SMOC1: variants seen among roughly 807,000 people sequenced by gnomAD.
SMOC1 encodes the protein SPARC-related modular calcium-binding protein 1.
SMOC1 carries 22 observed loss-of-function variants against 56.3 expected under a neutral mutation model. That is an observed-to-expected ratio of 0.39 (90% confidence interval 0.28 to 0.56). The LOEUF is 0.56. SMOC1 is among the 20% of genes least tolerant of loss of function. The pLI is 0.61. For missense variants in SMOC1, 509 were observed against 565.4 expected, an observed-to-expected ratio of 0.90 and a Z score of 1.01; for synonymous variants, 193 against 215.0, an observed-to-expected ratio of 0.90 and a Z score of 0.89.
At chr14:69,879,893 T>C (rs1883587896) in intron 1 of SMOC1, 116 bp downstream of exon 1, 18 of 919,484 alleles carry the variant, frequency 2.0e-5, no homozygotes, top group Non-Finnish European at 2.8e-5. Context: ...TTGTCCTCTG[T>C]CTACTACCAG....
intron 1 of SMOC1, among the ~76,000 whole-genome samples, chr14:69,943,924 T>A (rs1887463888): frequency 6.6e-6 from 1 of 152,232 alleles, no homozygotes; most frequent in South Asian, 2.1e-4. Context: ...TGGGGCATAG[T>A]GTCTGATATC....
At position 70,026,875 on chromosome 14, in the gene SMOC1, CAT is replaced by C. The variant is rs1252029753; in HGVS notation, c.1292-3366_1292-3365del. On this transcript the variant is annotated intron_variant, in intron 11 of 11. Coordinates refer to ENST00000361956, the MANE Select transcript of SMOC1 (RefSeq NM_001034852.3). ...ATGGCTATGTGTGCATGTCTATACA[CAT>C]GTGTGCATGCATTGTGCATATGTCT... 8.5e-5 allele frequency among the ~76,000 whole-genome samples: 13 copies of C among 152,252 alleles called. No homozygotes were observed. The South Asian group carries it at 1.0e-3, about 12-fold the overall frequency.
intron 11 of SMOC1, among the ~76,000 whole-genome samples, chr14:70,025,871 G>A (rs1885906864): frequency 3.9e-5 from 6 of 152,200 alleles, no homozygotes; most frequent in Admixed American, 3.9e-4. Flanking sequence ...TCATAGGACT[G>A]TTGTGCTGAT....
At chr14:69,895,790 G>C (rs1049831060) in intron 1 of SMOC1, among the ~76,000 whole-genome samples, 1 of 151,260 alleles carries the variant, frequency 6.6e-6, no homozygotes, top group Non-Finnish European at 1.5e-5. Context: ...CTTAGGAAAA[G>C]ACTGGGCTCA....
intron 1 of SMOC1, among the ~76,000 whole-genome samples, chr14:69,933,432 A>G (rs1267167000): frequency 6.6e-6 from 1 of 152,080 alleles, no homozygotes; most frequent in Admixed American, 6.5e-5. Flanking sequence ...AATATCTTCC[A>G]CCTCTTTTTG....
At chr14:69,955,259 T>TG (rs1883142983) in intron 3 of SMOC1, among the ~76,000 whole-genome samples, 1 of 152,128 alleles carries the variant, frequency 6.6e-6, no homozygotes, top group Non-Finnish European at 1.5e-5. Context: ...AAGGAGGCTC[T>TG]GAGGTGTGTT....
At chr14:69,886,135 C>T (rs61980566) in intron 1 of SMOC1, 60,997 of 1,493,794 alleles carry the variant, frequency 0.041, 1,387 homozygotes, top group South Asian at 0.045. Context: ...TCTTTCCTTT[C>T]GGCATCTTGG....
chr14:69,997,399 AC>A (rs1336210796), intron 7 of SMOC1, among the ~76,000 whole-genome samples: 1 of 152,230 alleles, frequency 6.6e-6, no homozygotes, highest in African/African-American at 2.4e-5. Context: ...GCGGAGATAA[AC>A]CATGTAATGG....
At chr14:69,914,365 T>TAAAGTA (rs1326458612) in intron 1 of SMOC1, among the ~76,000 whole-genome samples, 1 of 152,192 alleles carries the variant, frequency 6.6e-6, no homozygotes, top group East Asian at 1.9e-4. Context: ...AGCTAAGTTA[T>TAAAGTA]AAAGTAAATA....
Position 69,953,489 on chromosome 14 carries a change from CTG to C in SMOC1, c.339_340del (p.Phe114CysfsTer40). 1 of 1,614,268 alleles carries C rather than the reference CTG, an allele frequency of 6.2e-7. No homozygotes were observed. On this transcript the variant is annotated frameshift_variant, in exon 3 of 12. Coordinates refer to ENST00000361956, the MANE Select transcript of SMOC1 (RefSeq NM_001034852.3). LOFTEE classifies it high-confidence loss of function. ...GAGCAAGCCAAGAAGCCTCAGGAAGCTGTGTTTGTCCCAGAGTGTGGCGAGGA... is the reference window on the plus strand; with the variant it reads ...GAGCAAGCCAAGAAGCCTCAGGAAGCTGTTTGTCCCAGAGTGTGGCGAGGA...
Position 69,879,634 on chromosome 14 carries a change from C to A in SMOC1, c.-45C>A, listed in dbSNP as rs1158553250. On this transcript the variant is annotated 5_prime_UTR_variant, in exon 1 of 12. Coordinates refer to ENST00000361956, the MANE Select transcript of SMOC1 (RefSeq NM_001034852.3). ...GAGGCGCGCTGTGCGCCCCGCGGAG[C>A]CCGCGAACCCCGCTCGCTGCCGGCT... 7.2e-7 allele frequency: 1 copy of A among 1,392,648 alleles called. No homozygotes were observed. Among genetic ancestry groups the A allele is most frequent in the Non-Finnish European group, 9.3e-7 (1 of 1,072,014 alleles). 86.3% of individuals were successfully genotyped at this position (1,392,648 alleles called of 1,614,324 possible).
At chr14:69,922,388 G>A (rs567359401) in intron 1 of SMOC1, among the ~76,000 whole-genome samples, 2 of 152,344 alleles carry the variant, frequency 1.3e-5, no homozygotes, top group South Asian at 2.1e-4. Flanking sequence ...GGCACAGTAC[G>A]TGCTGCTGCT....
At chr14:69,983,082 G>A (rs78795576) in intron 5 of SMOC1, among the ~76,000 whole-genome samples, 1,689 of 152,188 alleles carry the variant, frequency 0.011, 30 homozygotes, top group African/African-American at 0.039. Context: ...TAACTGCTCC[G>A]CCAGCTTGGC....
At chr14:69,993,335 C>T (rs1387883311) in intron 6 of SMOC1, among the ~76,000 whole-genome samples, 2 of 152,072 alleles carry the variant, frequency 1.3e-5, no homozygotes, top group Non-Finnish European at 2.9e-5. Context: ...TGGAGGTGCT[C>T]AGGGCCTGTA....
chr14:70,011,435 G>A (rs749560869), intron 8 of SMOC1, 50 bp from the exon 9 acceptor site: 3 of 1,529,690 alleles, frequency 2.0e-6, no homozygotes, highest in Non-Finnish European at 2.7e-6. Context: ...GACTGAAGTA[G>A]GCTCAGTTGC....
chr14:69,941,345 A>G (rs977309350), intron 1 of SMOC1, among the ~76,000 whole-genome samples: 1 of 152,188 alleles, frequency 6.6e-6, no homozygotes, highest in African/African-American at 2.4e-5. Flanking sequence ...GGCAGCGTGC[A>G]TGTAGATGCC....
rs144266818 is a variant in SMOC1 at position 69,909,815 on chromosome 14, G to A, written c.99+30038G>A. Among the ~76,000 whole-genome samples the A allele has an allele frequency of 3.7e-3, 557 of 152,196 alleles. 4 individuals carry two copies. The highest frequency in any genetic ancestry group is 0.012 in the African/African-American group (510 of 41,520). ...TTAATTTGTTTATCATTGATTCTTC[G>A]GCCAAAGATAATTCTAACTGGGTGA... On this transcript the variant is annotated intron_variant, in intron 1 of 11. Coordinates refer to ENST00000361956, the MANE Select transcript of SMOC1 (RefSeq NM_001034852.3).
Position 69,984,813 on chromosome 14 carries a change from C to T in SMOC1, c.526+6848C>T, listed in dbSNP as rs191496983. Among the ~76,000 whole-genome samples the T allele has an allele frequency of 1.2e-3, 185 of 151,838 alleles. 1 individual carries two copies. Among genetic ancestry groups the T allele is most frequent in the Non-Finnish European group, 2.0e-3 (135 of 67,914 alleles). On this transcript the variant is annotated intron_variant, in intron 5 of 11. Coordinates refer to ENST00000361956, the MANE Select transcript of SMOC1 (RefSeq NM_001034852.3). ...TGGAGGTTGCAGTGAGCCGAGATCG[C>T]GCCACTGCACTCCAGCCTGGATGAC...
rs1170135063 is a variant in SMOC1, at chr14:70,013,580, G to A, written c.1046+89G>A. ...TGAGGGAGGGTGAGAGAGTGGGCAGGGTTTGAGGAGGGCAAGGGCTGGAAG... is the reference window on the plus strand; with the variant it reads ...TGAGGGAGGGTGAGAGAGTGGGCAGAGTTTGAGGAGGGCAAGGGCTGGAAG... On this transcript the variant is annotated intron_variant, in intron 10 of 11. Transcript: ENST00000361956. 4 of 1,077,502 alleles carry A rather than the reference G, an allele frequency of 3.7e-6. No homozygotes were observed. In the East Asian group the frequency reaches 7.1e-5, roughly 19 times the overall value. The allele number at this position is 1,077,502 out of a possible 1,614,324, so 66.7% of individuals were successfully genotyped here.
Sources: gnomAD v4.1 joint callset for allele counts (sites outside exome capture counted in the v4.1 genomes callset) on GRCh38, gnomAD v4.1.1 for gene constraint, MANE v1.5 for transcripts, NCBI Gene and HGNC (gene_info 2026-07-23, HGNC 2026-07-21) for gene names.